Variants in CENPL observed in about 807,000 individuals in gnomAD.
CENPL encodes the protein centromere protein L.
In CENPL, 20 loss-of-function variants were observed where a neutral mutation model predicts 35.2. The observed-to-expected ratio is 0.57, with a 90% CI of 0.40 to 0.83. CENPL has a LOEUF of 0.83. Among genes scored for constraint, CENPL ranks in the 40% least tolerant of loss-of-function variants. The pLI, the probability that CENPL is intolerant of heterozygous loss-of-function variation, is 0.00. For missense variants in CENPL, 363 were observed against 395.8 expected, an observed-to-expected ratio of 0.92 and a Z score of 0.70; for synonymous variants, 140 against 140.6, an observed-to-expected ratio of 1.00 and a Z score of 0.03.
chr1:173,820,729 A>G (rs1651867256), intron 2 of CENPL, among the ~76,000 whole-genome samples: 1 of 152,212 alleles, frequency 6.6e-6, no homozygotes. Flanking sequence ...AATAGTACTC[A>G]GCAATGAAAA....
chr1:173,808,265 C>G (rs1557845730), intron 3 of CENPL, among the ~76,000 whole-genome samples: 1 of 151,982 alleles, frequency 6.6e-6, no homozygotes, highest in South Asian at 2.1e-4. Flanking sequence ...AATAAATAAG[C>G]CAGGCATGGT....
In CENPL at chr1:173,811,250, G is replaced by C. The variant is rs139971891; in HGVS notation, c.50C>G (p.Pro17Arg). Reference protein sequence around the residue: ...PESTPSASSRPEDYFIGATPL... With the variant: ...PESTPSASSRREDYFIGATPL... ...AGTGGCACCTATAAAGTAATCTTCA[G>C]GTCTTGAGGATGCACTAGGAGTTGA... The change falls in exon 3 of 6, where the codon CCT (proline) becomes CGT (arginine). Residue 17 changes from proline to arginine, a missense_variant. Coordinates refer to ENST00000682279, the MANE Select transcript of CENPL (RefSeq NM_001387287.1). 16 of 1,612,626 alleles carry C rather than the reference G, an allele frequency of 9.9e-6. No homozygotes were observed. The African/African-American group carries it at 1.3e-4, about 13-fold the overall frequency.
intron 2 of CENPL, among the ~76,000 whole-genome samples, chr1:173,820,910 T>C (rs1280316774): frequency 6.6e-6 from 1 of 152,144 alleles, no homozygotes; most frequent in African/African-American, 2.4e-5. Flanking sequence ...GGGACATAAA[T>C]GTGACTATAA....
chr1:173,803,435 C>G lies in CENPL; in HGVS notation c.491G>C (p.Cys164Ser), dbSNP rs773191929. ...GKVLWTGWFC[C>S]VFGDSLLETV... ...CTCCAGAAGACTGTCTCCAAATACA[C>G]AGCAGAACCAGCCAGTCCACAGCAC... The change falls in exon 5 of 6, where the codon TGT becomes TCT. Residue 164 changes from cysteine to serine, a missense_variant. Physicochemically the swap from Cys to Ser is moderately radical, Grantham distance 112. Coordinates refer to ENST00000682279, the MANE Select transcript of CENPL (RefSeq NM_001387287.1). 14 of 1,613,982 alleles carry G rather than the reference C, an allele frequency of 8.7e-6. No individual in the cohort carries two copies. The highest frequency in any genetic ancestry group is 1.2e-5 in the Non-Finnish European group (14 of 1,179,962).
rs769260488 is a variant in CENPL at position 173,803,202 on chromosome 1, A to T, written c.724T>A (p.Ser242Thr). ...AGACTTTGAGGGCTACAGGGTACAG[A>T]CCAAAGAAATTCAGTAGTAGCCACA... ...HYVATTEFLWSVPCSPQSLDI... is the reference protein window; with the variant it reads ...HYVATTEFLWTVPCSPQSLDI... Residue 242 changes from serine to threonine, a missense_variant, in exon 5 of 6, where the codon TCT becomes ACT. Ser to Thr is a moderately conservative substitution (Grantham distance 58). Transcript: ENST00000682279. The T allele has an allele frequency of 5.0e-6, 8 of 1,613,884 alleles. No individual in the cohort carries two copies. In the South Asian group the frequency reaches 8.8e-5, roughly 18 times the overall value.
chr1:173,813,848 A>G (rs1406242535), intron 2 of CENPL, among the ~76,000 whole-genome samples: 1 of 152,136 alleles, frequency 6.6e-6, no homozygotes, highest in Non-Finnish European at 1.5e-5. Flanking sequence ...ATGTAAATGG[A>G]CTAAATACCC....
chr1:173,817,538 T>G (rs551463524), intron 2 of CENPL, among the ~76,000 whole-genome samples: 2 of 152,036 alleles, frequency 1.3e-5, no homozygotes, highest in South Asian at 2.1e-4. Flanking sequence ...GAAATAGGAA[T>G]GCTTTTACAC....
chr1:173,808,728 A>G (rs1433695986), intron 3 of CENPL: 2 of 152,164 alleles, frequency 1.3e-5, no homozygotes, highest in Non-Finnish European at 2.9e-5. Flanking sequence ...TACTATATAT[A>G]AAAATTAACT....
intron 2 of CENPL, among the ~76,000 whole-genome samples, chr1:173,813,219 G>A (rs1258752772): frequency 2.0e-5 from 3 of 152,176 alleles, no homozygotes; most frequent in Admixed American, 6.6e-5. Flanking sequence ...TGAAAGTGAC[G>A]GGGAGAATGG....
chr1:173,807,168 A>G (rs1650308135), intron 4 of CENPL, 99 bp downstream of exon 4: 2 of 1,126,174 alleles, frequency 1.8e-6, no homozygotes, highest in South Asian at 2.9e-5. Flanking sequence ...TATATATAGG[A>G]AAAAATTTTT....
intron 2 of CENPL, among the ~76,000 whole-genome samples, chr1:173,817,158 A>T (rs1429499840): frequency 6.6e-6 from 1 of 152,026 alleles, no homozygotes; most frequent in Non-Finnish European, 1.5e-5. Flanking sequence ...GAAAGCAAAA[A>T]AATAAATAAA....
chr1:173,811,426 C>A (rs1650813171), intron 2 of CENPL, 120 bp from the exon 3 acceptor site: 1 of 687,926 alleles, frequency 1.5e-6, no homozygotes, highest in Non-Finnish European at 2.3e-6. Context: ...CCCTCCCTAT[C>A]CCCAGTTTTG....
intron 2 of CENPL, among the ~76,000 whole-genome samples, chr1:173,815,535 C>T (rs543160617): frequency 1.8e-4 from 28 of 152,094 alleles, no homozygotes; most frequent in Non-Finnish European, 3.4e-4. Flanking sequence ...GTTCAACATA[C>T]GCAAATCAAT....
intron 4 of CENPL, among the ~76,000 whole-genome samples, chr1:173,805,706 G>A (rs1650163857): frequency 6.6e-6 from 1 of 152,038 alleles, no homozygotes; most frequent in Admixed American, 6.6e-5. Context: ...AATGTTTAGA[G>A]CTGCTGGAGA....
At chr1:173,814,186 G>A (rs1651128841) in intron 2 of CENPL, among the ~76,000 whole-genome samples, 1 of 152,034 alleles carries the variant, frequency 6.6e-6, no homozygotes, top group African/African-American at 2.4e-5. Flanking sequence ...CATAAAGCAG[G>A]TCCTTAGAGA....
At chr1:173,806,535 G>C (rs1571958920) in intron 4 of CENPL, 1 of 434,500 alleles carries the variant, frequency 2.3e-6, no homozygotes, top group Middle Eastern at 7.2e-4. Flanking sequence ...AGTCAACCAA[G>C]ATCGTGCCAC....
At chr1:173,817,709 T>C (rs1482375086) in intron 2 of CENPL, among the ~76,000 whole-genome samples, 4 of 152,172 alleles carry the variant, frequency 2.6e-5, no homozygotes, top group Admixed American at 2.6e-4. Flanking sequence ...TGCACACATA[T>C]GTTTATTGCG....
At chr1:173,810,485 C>T (rs191822218) in intron 3 of CENPL, among the ~76,000 whole-genome samples, 2 of 151,784 alleles carry the variant, frequency 1.3e-5, no homozygotes, top group Non-Finnish European at 2.9e-5. Context: ...AGAAAACAAA[C>T]CTGCACATCC....
intron 2 of CENPL, chr1:173,823,262 C>A (rs1187032814): frequency 6.6e-6 from 1 of 152,316 alleles, no homozygotes. Flanking sequence ...GCTTTCAAGG[C>A]ACTACTGTAT....
Sources: allele counts gnomAD v4.1 joint callset (sites outside exome capture counted in the v4.1 genomes callset), GRCh38; gene constraint gnomAD v4.1.1; transcripts MANE v1.5; gene names NCBI Gene and HGNC (gene_info 2026-07-23, HGNC 2026-07-21).